SBF2: variants seen among roughly 807,000 people sequenced by gnomAD.
SBF2 encodes the protein myotubularin-related protein 13.
A neutral mutation model predicts 225.2 loss-of-function variants in SBF2; 112 were observed. That is an observed-to-expected ratio of 0.50 (90% CI 0.43 to 0.58). The LOEUF (loss-of-function observed/expected upper bound fraction) is 0.58. SBF2 is among the 20% of genes least tolerant of loss of function. The pLI, the probability that SBF2 is intolerant of heterozygous loss-of-function variation, is 0.00. For missense variants in SBF2, 1,996 were observed against 2,206.2 expected, an observed-to-expected ratio of 0.90 and a Z score of 1.91; for synonymous variants, 763 against 773.3, an observed-to-expected ratio of 0.99 and a Z score of 0.22.
At chr11:10,021,009 C>G (rs147236144) in intron 6 of SBF2, among the ~76,000 whole-genome samples, 14 of 151,860 alleles carry the variant, frequency 9.2e-5, no homozygotes, top group African/African-American at 3.4e-4. Context: ...TAACCATGGA[C>G]AAGTAAAAAG....
intron 6 of SBF2, among the ~76,000 whole-genome samples, chr11:10,027,719 T>C (rs1053239185): frequency 6.6e-6 from 1 of 152,152 alleles, no homozygotes; most frequent in African/African-American, 2.4e-5. Flanking sequence ...ATTTCTTAAA[T>C]AATGTAAAAG....
chr11:10,293,246 G>A (rs1473860614), intron 1 of SBF2, among the ~76,000 whole-genome samples: 1 of 152,196 alleles, frequency 6.6e-6, no homozygotes, highest in South Asian at 2.1e-4. Context: ...GTGGAAGTCC[G>A]TCAATTAAAG....
intron 1 of SBF2, among the ~76,000 whole-genome samples, chr11:10,211,666 T>C (rs568022355): frequency 2.6e-5 from 4 of 152,268 alleles, no homozygotes; most frequent in Admixed American, 2.0e-4. Context: ...TACTGTGGGA[T>C]AGTGAGATGA....
intron 24 of SBF2, chr11:9,843,840 A>C (rs1856348070): frequency 2.0e-5 from 3 of 152,222 alleles, no homozygotes; most frequent in Admixed American, 2.0e-4. Flanking sequence ...AAAACTGGAA[A>C]GTCTGCTAGA....
intron 2 of SBF2, among the ~76,000 whole-genome samples, chr11:10,089,349 A>C (rs2134905578): frequency 6.6e-6 from 1 of 152,362 alleles, no homozygotes; most frequent in African/African-American, 2.4e-5. Context: ...TATGCAGAGC[A>C]TGACTGTACT....
chr11:10,008,181 G>A (rs1441093228), intron 6 of SBF2, among the ~76,000 whole-genome samples: 1 of 152,160 alleles, frequency 6.6e-6, no homozygotes, highest in Non-Finnish European at 1.5e-5. Flanking sequence ...CTGGTAGAAG[G>A]GATAAAAGCT....
At chr11:9,925,186 T>G (rs981719774) in intron 16 of SBF2, among the ~76,000 whole-genome samples, 1 of 152,104 alleles carries the variant, frequency 6.6e-6, no homozygotes, top group Non-Finnish European at 1.5e-5. Flanking sequence ...TAATTTAAAA[T>G]AGTAAAAGGA....
At chr11:9,853,483 T>A in intron 20 of SBF2, 57 bp downstream of exon 20, 1 of 1,487,218 alleles carries the variant, frequency 6.7e-7, no homozygotes, top group Non-Finnish European at 9.4e-7. Context: ...CCAGGTTTTA[T>A]GCTGAAACTC....
chr11:9,897,546 C>T (rs1564971627), intron 16 of SBF2, among the ~76,000 whole-genome samples: 1 of 152,138 alleles, frequency 6.6e-6, no homozygotes, highest in Non-Finnish European at 1.5e-5. Flanking sequence ...ATTAACCAGT[C>T]CTTCCTCTGT....
chr11:9,815,390 T>C (rs374688592), intron 29 of SBF2, among the ~76,000 whole-genome samples: 10 of 149,634 alleles, frequency 6.7e-5, no homozygotes, highest in African/African-American at 2.5e-4. Flanking sequence ...GAGGTGGAGG[T>C]TGCAGTGAGC....
At chr11:10,252,139 T>C (rs757908624) in intron 1 of SBF2, among the ~76,000 whole-genome samples, 3 of 152,242 alleles carry the variant, frequency 2.0e-5, no homozygotes, top group Non-Finnish European at 2.9e-5. Flanking sequence ...GGAGGTACCC[T>C]CTACTCAGTC....
intron 3 of SBF2, among the ~76,000 whole-genome samples, chr11:10,042,115 A>G (rs1410570732): frequency 1.3e-5 from 2 of 152,212 alleles, no homozygotes; most frequent in Non-Finnish European, 2.9e-5. Flanking sequence ...TGAAGGTTAT[A>G]ATGTCTGATA....
rs538911007 is a variant in SBF2, at chr11:10,078,540, A to C, written c.142-35559T>G. Among the ~76,000 whole-genome samples, 10 of 152,286 alleles carry C rather than the reference A, an allele frequency of 6.6e-5. No homozygotes were observed. In the East Asian group the frequency reaches 1.9e-3, roughly 29 times the overall value. ...AAAGTAACACAAGGACAGAAAACCAAACACCACATGTTCTCATTCATAAGT... is the reference window on the plus strand; with the variant it reads ...AAAGTAACACAAGGACAGAAAACCACACACCACATGTTCTCATTCATAAGT... On this transcript the variant is annotated intron_variant, in intron 2 of 39. Transcript: ENST00000256190.
chr11:9,813,569 G>A (rs545491146), intron 29 of SBF2, among the ~76,000 whole-genome samples: 43 of 152,162 alleles, frequency 2.8e-4, no homozygotes, highest in East Asian at 5.8e-4. Flanking sequence ...CTTGTGATCC[G>A]CCCACCTCGG....
At chr11:10,082,580 T>A (rs1228061306) in intron 2 of SBF2, among the ~76,000 whole-genome samples, 1 of 152,086 alleles carries the variant, frequency 6.6e-6, no homozygotes, top group African/African-American at 2.4e-5. Flanking sequence ...AATGGCTCAA[T>A]ATATGCAAAT....
At chr11:9,784,044 T>A (rs1030195602) in intron 38 of SBF2, among the ~76,000 whole-genome samples, 3 of 152,160 alleles carry the variant, frequency 2.0e-5, no homozygotes, top group Non-Finnish European at 4.4e-5. Context: ...CACCTGGGTG[T>A]TAAGATCAGG....
rs1434293657 is a variant in SBF2, at chr11:10,174,138, G to C, written c.141+19764C>G. ...TCCAAAGCAACACAGTTCCTCACCA[G>C]CAACGGAACAAAGCTGGACGGAGAA... On this transcript the variant is annotated intron_variant, in intron 2 of 39. Transcript: ENST00000256190. 5.3e-5 allele frequency among the ~76,000 whole-genome samples: 8 copies of C among 152,192 alleles called. No individual in the cohort carries two copies. In the East Asian group the frequency reaches 1.4e-3, roughly 26 times the overall value.
intron 1 of SBF2, among the ~76,000 whole-genome samples, chr11:10,264,367 T>G (rs1027308290): frequency 6.6e-6 from 1 of 152,112 alleles, no homozygotes; most frequent in East Asian, 1.9e-4. Context: ...AAAATTCTTT[T>G]AGGGAAGATT....
intron 2 of SBF2, among the ~76,000 whole-genome samples, chr11:10,066,156 T>C (rs939835502): frequency 1.3e-5 from 2 of 151,886 alleles, no homozygotes; most frequent in Non-Finnish European, 2.9e-5. Context: ...CTTAAAAAAA[T>C]AACAGCAATT....
Sources: gnomAD v4.1 joint callset for allele counts (sites outside exome capture counted in the v4.1 genomes callset) on GRCh38, gnomAD v4.1.1 for gene constraint, MANE v1.5 for transcripts, NCBI Gene and HGNC (gene_info 2026-07-23, HGNC 2026-07-21) for gene names.